PDE1C: variants seen among roughly 807,000 people sequenced by gnomAD.
The protein encoded by PDE1C is phosphodiesterase 1C.
PDE1C carries 62 observed loss-of-function variants against 93.1 expected under a neutral mutation model. That is an observed-to-expected ratio of 0.67 (90% CI 0.54 to 0.82). The LOEUF (loss-of-function observed/expected upper bound fraction) is 0.82. Ranked by LOEUF, PDE1C falls within the 40% of genes least tolerant of loss-of-function variation. PDE1C has a pLI of 0.00. For synonymous variants in PDE1C, 325 were observed against 310.1 expected (o/e 1.05, Z -0.50); for missense variants, 742 against 884.6 (o/e 0.84, Z 2.04).
At chr7:31,909,864 T>C (rs966397479) in intron 2 of PDE1C, among the ~76,000 whole-genome samples, 1 of 152,004 alleles carries the variant, frequency 6.6e-6, no homozygotes, top group Non-Finnish European at 1.5e-5. Flanking sequence ...TTCCGCAAAT[T>C]GGCACCATTA....
chr7:31,763,070 A>G (rs1794933077), intron 17 of PDE1C, among the ~76,000 whole-genome samples: 1 of 152,168 alleles, frequency 6.6e-6, no homozygotes, highest in African/African-American at 2.4e-5. Flanking sequence ...AGTGGAGCCC[A>G]AACATCAGTA....
At chr7:31,751,035 C>A (rs1156921753), downstream of PDE1C, 2 of 152,126 alleles carry the variant, frequency 1.3e-5, no homozygotes, top group African/African-American at 4.8e-5. Context: ...AATGAACTAC[C>A]ACCTAAACAA....
chr7:31,754,394 C>T (rs1794318341), intron 17 of PDE1C, among the ~76,000 whole-genome samples: 1 of 152,128 alleles, frequency 6.6e-6, no homozygotes, highest in Non-Finnish European at 1.5e-5. Flanking sequence ...GGTATTTACC[C>T]AATTGATGGA....
At chr7:32,373,873 AG>A (rs1416984046) in intron 1 of PDE1C, among the ~76,000 whole-genome samples, 1 of 152,096 alleles carries the variant, frequency 6.6e-6, no homozygotes, top group Non-Finnish European at 1.5e-5. Flanking sequence ...CCGTAATCCC[AG>A]CTCCTGGGAG....
At chr7:31,651,963 G>C in the PDE1C span, 5 of 1,601,710 alleles carry the variant, frequency 3.1e-6, no homozygotes, top group Admixed American at 6.9e-5. Context: ...AACTGCAAAC[G>C]TTACGTGAGG....
At chr7:31,949,324 G>A (rs1807048986) in intron 2 of PDE1C, among the ~76,000 whole-genome samples, 1 of 152,092 alleles carries the variant, frequency 6.6e-6, no homozygotes. Context: ...GCCAGACATG[G>A]TGGCACACAC....
chr7:32,242,250 T>TA (rs1046956232), intron 1 of PDE1C, among the ~76,000 whole-genome samples: 1 of 152,026 alleles, frequency 6.6e-6, no homozygotes, highest in Admixed American at 6.5e-5. Flanking sequence ...GGAGGGAACT[T>TA]AGAGTCTGAT....
At chr7:32,406,691 T>C (rs564412454) in intron 1 of PDE1C, among the ~76,000 whole-genome samples, 54 of 152,214 alleles carry the variant, frequency 3.5e-4, no homozygotes, top group Non-Finnish European at 7.6e-4. Context: ...TTGGTGTTTC[T>C]TGGCTGAGAC....
chr7:31,695,515 G>A, the PDE1C span: 60 of 1,613,406 alleles, frequency 3.7e-5, no homozygotes, highest in Non-Finnish European at 6.8e-6. Flanking sequence ...TCAAAAAGAA[G>A]CCTAGAAAGG....
intron 1 of PDE1C, among the ~76,000 whole-genome samples, chr7:32,236,395 C>T (rs997766986): frequency 5.3e-5 from 8 of 152,080 alleles, no homozygotes; most frequent in Non-Finnish European, 1.0e-4. Flanking sequence ...AAAATATTTG[C>T]AAATGACATA....
At chr7:31,773,842 C>A (rs965556412) in intron 17 of PDE1C, among the ~76,000 whole-genome samples, 1 of 152,144 alleles carries the variant, frequency 6.6e-6, no homozygotes, top group Non-Finnish European at 1.5e-5. Flanking sequence ...GAAAAAGCCA[C>A]CTATCAATGT....
chr7:31,766,113 G>A (rs1043571248), intron 17 of PDE1C, among the ~76,000 whole-genome samples: 14 of 152,132 alleles, frequency 9.2e-5, no homozygotes, highest in African/African-American at 3.1e-4. Context: ...GGCCCGGCGC[G>A]GTGGCTCATG....
chr7:32,300,724 A>G (rs1219543918), upstream of PDE1C, among the ~76,000 whole-genome samples: 2 of 152,254 alleles, frequency 1.3e-5, no homozygotes, highest in Non-Finnish European at 2.9e-5. Flanking sequence ...TCTCTGTGAC[A>G]AAAATAACGT....
the PDE1C span, among the ~76,000 whole-genome samples, chr7:31,735,855 G>A: frequency 1.3e-5 from 2 of 152,122 alleles, no homozygotes; most frequent in Non-Finnish European, 2.9e-5. Flanking sequence ...ATCGGTTTCA[G>A]GACCTCCTCC....
chr7:31,811,114 G>A (rs1331308059), intron 15 of PDE1C, among the ~76,000 whole-genome samples: 1 of 152,186 alleles, frequency 6.6e-6, no homozygotes, highest in East Asian at 1.9e-4. Context: ...GAAGAGAATT[G>A]AATCATGGGG....
chr7:31,946,823 A>G lies in PDE1C; in HGVS notation c.129-65963T>C, dbSNP rs1017528631. 2.0e-4 allele frequency among the ~76,000 whole-genome samples: 30 copies of G among 152,282 alleles called. 1 individual carries two copies. The highest frequency in any genetic ancestry group is 2.1e-4 in the South Asian group (1 of 4,824). On this transcript the variant is annotated intron_variant, in intron 2 of 17. Transcript: ENST00000396191. ...GCCCCCATGGCCTGGTGTTGGGTCC[A>G]GCTGCCCCAACATCTCTAAAGTGTG... is the stretch of plus-strand genomic sequence containing the variant.
At chr7:32,158,974 T>G (rs1801746982) in intron 3 of PDE1C, among the ~76,000 whole-genome samples, 1 of 152,214 alleles carries the variant, frequency 6.6e-6, no homozygotes, top group Non-Finnish European at 1.5e-5. Context: ...AAGGCATGTG[T>G]TCCTCTCTCC....
chr7:31,922,353 A>G (rs965518354), intron 2 of PDE1C, among the ~76,000 whole-genome samples: 1 of 152,206 alleles, frequency 6.6e-6, no homozygotes, highest in African/African-American at 2.4e-5. Context: ...TTTTGCTTAT[A>G]ATTTAACAGT....
At chr7:32,380,010 G>T (rs1251685894) in intron 1 of PDE1C, among the ~76,000 whole-genome samples, 1 of 152,050 alleles carries the variant, frequency 6.6e-6, no homozygotes, top group Non-Finnish European at 1.5e-5. Context: ...TCTTGCCATT[G>T]CTCCCTGTCT....
Sources: allele counts gnomAD v4.1 joint callset (sites outside exome capture counted in the v4.1 genomes callset), GRCh38; gene constraint gnomAD v4.1.1; transcripts MANE v1.5; gene names NCBI Gene and HGNC (gene_info 2026-07-23, HGNC 2026-07-21).